The following MAST4 variants were observed in gnomAD, a reference collection of about 807,000 sequenced individuals.
MAST4 encodes microtubule-associated serine/threonine-protein kinase 4.
A neutral mutation model predicts 162.7 loss-of-function variants in MAST4; 89 were observed. The ratio of observed to expected loss-of-function variants is 0.55; its 90% CI spans 0.46 to 0.65. The LOEUF is 0.65. Among genes scored for constraint, MAST4 ranks in the 30% least tolerant of loss-of-function variants. MAST4 has a pLI of 0.00. For synonymous variants in MAST4, 1,479 were observed against 1,361.1 expected, an observed-to-expected ratio of 1.09 and a Z score of -1.91; for missense variants, 3,153 against 3,374.0, an observed-to-expected ratio of 0.93 and a Z score of 1.62.
intron 3 of MAST4, among the ~76,000 whole-genome samples, chr5:66,861,710 G>A (rs902445663): frequency 7.2e-5 from 11 of 152,166 alleles, no homozygotes; most frequent in South Asian, 6.2e-4. Context: ...GGATGATTTC[G>A]TTTGCATTTG....
intron 1 of MAST4, among the ~76,000 whole-genome samples, chr5:66,731,749 C>T (rs1751871652): frequency 6.6e-6 from 1 of 151,978 alleles, no homozygotes; most frequent in African/African-American, 2.4e-5. Context: ...ATTGCTTCTG[C>T]TTGATTTCTC....
chr5:67,043,223 A>C (rs991936874), intron 4 of MAST4, among the ~76,000 whole-genome samples: 4 of 152,210 alleles, frequency 2.6e-5, no homozygotes, highest in Non-Finnish European at 5.9e-5. Flanking sequence ...TCACCAAATT[A>C]AATAGTTCTA....
intron 4 of MAST4, among the ~76,000 whole-genome samples, chr5:67,049,022 CGTATAT>C (rs1757753410): frequency 8.1e-4 from 66 of 81,896 alleles, no homozygotes; most frequent in African/African-American, 2.6e-3. Flanking sequence ...TATATATATA[CGTATAT>C]ATATATATAT....
At chr5:67,021,408 G>A (rs1244402675) in intron 4 of MAST4, among the ~76,000 whole-genome samples, 1 of 152,136 alleles carries the variant, frequency 6.6e-6, no homozygotes, top group Non-Finnish European at 1.5e-5. Flanking sequence ...TGCAAGGTGA[G>A]TCCAGTCTAT....
chr5:67,145,956 A>G (rs925365442), intron 23 of MAST4, among the ~76,000 whole-genome samples: 1 of 152,238 alleles, frequency 6.6e-6, no homozygotes, highest in Non-Finnish European at 1.5e-5. Flanking sequence ...ACTGAGTGCA[A>G]CAAGACGCTT....
At chr5:66,862,758 A>G (rs983565455) in intron 3 of MAST4, among the ~76,000 whole-genome samples, 5 of 152,192 alleles carry the variant, frequency 3.3e-5, no homozygotes, top group African/African-American at 1.2e-4. Flanking sequence ...ATCTTTGTCA[A>G]ATTGAACTAG....
chr5:67,095,847 ATACTTT>A (rs1285788358), intron 7 of MAST4, among the ~76,000 whole-genome samples, 172 bp downstream of exon 7: 1 of 152,204 alleles, frequency 6.6e-6, no homozygotes, highest in Non-Finnish European at 1.5e-5. Context: ...TAAAAAGGAC[ATACTTT>A]CGCTGCAAGC....
At chr5:67,019,996 T>G (rs886180227) in intron 4 of MAST4, among the ~76,000 whole-genome samples, 2 of 152,138 alleles carry the variant, frequency 1.3e-5, no homozygotes, top group African/African-American at 2.4e-5. Flanking sequence ...ACAACCATGG[T>G]GAAAATAGAA....
At chr5:66,773,299 T>C (rs42781) in intron 2 of MAST4, among the ~76,000 whole-genome samples, 23,363 of 152,234 alleles carry the variant, frequency 0.15, 2,119 homozygotes, top group East Asian at 0.45. Context: ...GTCATTCAAG[T>C]ACTTAATCAC....
At position 67,166,377 on chromosome 5, in the gene MAST4, T is replaced by C. The variant is rs1581796901; in HGVS notation, c.7198T>C (p.Leu2400=). The C allele has an allele frequency of 6.2e-7, 1 of 1,611,220 alleles. No individual in the cohort carries two copies. The highest frequency in any genetic ancestry group is 8.5e-7 in the Non-Finnish European group (1 of 1,178,620). ...GLSFVHSENR[L]KGAERPAAGV... ...TTCCTTTGTGCATAGCGAGAACCGGTTGAAAGGCGCGGAGCGGCCAGCCGC... is the reference window on the plus strand; with the variant it reads ...TTCCTTTGTGCATAGCGAGAACCGGCTGAAAGGCGCGGAGCGGCCAGCCGC... The change falls in exon 29 of 29, where the codon TTG becomes CTG. Residue 2400 remains leucine, a synonymous_variant. Transcript: ENST00000403625.
At chr5:66,898,128 T>G (rs994570224) in intron 3 of MAST4, among the ~76,000 whole-genome samples, 2 of 152,178 alleles carry the variant, frequency 1.3e-5, no homozygotes, top group African/African-American at 4.8e-5. Context: ...GCCTTTGCTC[T>G]GCACTAGTAT....
chr5:66,642,443 A>G (rs1005961620), intron 1 of MAST4, among the ~76,000 whole-genome samples: 1 of 152,238 alleles, frequency 6.6e-6, no homozygotes, highest in African/African-American at 2.4e-5. Flanking sequence ...GGAAAATTGG[A>G]CAATGACTGG....
At chr5:66,763,004 C>T (rs955880437) in intron 2 of MAST4, among the ~76,000 whole-genome samples, 3 of 152,188 alleles carry the variant, frequency 2.0e-5, no homozygotes, top group South Asian at 4.1e-4. Flanking sequence ...TATTTACTGG[C>T]TTATTTAATC....
intron 3 of MAST4, among the ~76,000 whole-genome samples, chr5:66,852,091 A>G (rs564060977): frequency 8.5e-5 from 13 of 152,350 alleles, no homozygotes; most frequent in African/African-American, 2.6e-4. Context: ...TAAATGTGAT[A>G]GACACTGTAT....
At chr5:67,006,037 C>A (rs1274868064) in intron 4 of MAST4, among the ~76,000 whole-genome samples, 1 of 152,160 alleles carries the variant, frequency 6.6e-6, no homozygotes, top group Non-Finnish European at 1.5e-5. Context: ...TTGGTTATAC[C>A]TGTAACTTTT....
In MAST4 at chr5:67,164,857, AC is replaced by A; in HGVS notation, c.5681del (p.Pro1894GlnfsTer45). 2 of 1,614,006 alleles carry A rather than the reference AC, an allele frequency of 1.2e-6. No homozygotes were observed. The highest frequency in any genetic ancestry group is 1.7e-6 in the Non-Finnish European group (2 of 1,179,892). On this transcript the variant is annotated frameshift_variant, in exon 29 of 29. Transcript: ENST00000403625. LOFTEE classifies it low-confidence loss of function (END_TRUNC). This position sits in a 1 kb window ranked among gnomAD's most constrained non-coding sequence, Gnocchi z 5.3. ...LQNSPAVSLP[D>X]PEFKRDRKGP... The stretch of plus-strand genomic sequence containing the variant: ...AATTCACCAGCAGTTTCCCTGCCTG[AC>A]CCAGAGTTCAAGAGGGACAGGAAAG...
chr5:66,823,291 A>G (rs758643843), intron 3 of MAST4, among the ~76,000 whole-genome samples: 12 of 152,160 alleles, frequency 7.9e-5, no homozygotes, highest in Non-Finnish European at 1.6e-4. Context: ...AAAATGGACT[A>G]ATACACTACT....
chr5:66,804,147 C>A (rs1311576815), intron 3 of MAST4, among the ~76,000 whole-genome samples: 2 of 152,042 alleles, frequency 1.3e-5, no homozygotes, highest in Non-Finnish European at 2.9e-5. Context: ...TAGGATTTTT[C>A]TGTGTTTACA....
At chr5:66,733,469 T>G (rs1414939408) in intron 1 of MAST4, among the ~76,000 whole-genome samples, 1 of 152,198 alleles carries the variant, frequency 6.6e-6, no homozygotes, top group African/African-American at 2.4e-5. Context: ...GTCATAAAAT[T>G]GGCTTAATGG....
Sources: allele counts gnomAD v4.1 joint callset (sites outside exome capture counted in the v4.1 genomes callset), GRCh38; gene constraint gnomAD v4.1.1; non-coding constraint Gnocchi (gnomAD v3.1); transcripts MANE v1.5; gene names NCBI Gene and HGNC (gene_info 2026-07-23, HGNC 2026-07-21).